The following COL4A4 variants were observed in gnomAD, a reference collection of about 807,000 sequenced individuals.
COL4A4 encodes the protein collagen alpha-4(IV) chain.
In COL4A4, 105 loss-of-function variants were observed where a neutral mutation model predicts 192.9. The ratio of observed to expected loss-of-function variants is 0.54; its 90% CI spans 0.46 to 0.64. The LOEUF is 0.64. COL4A4 is among the 30% of genes least tolerant of loss of function. The pLI, the probability that COL4A4 is intolerant of heterozygous loss-of-function variation, is 0.00. For missense variants in COL4A4, 1,967 were observed against 2,169.3 expected (o/e 0.91, Z 1.85); for synonymous variants, 762 against 769.9 (o/e 0.99, Z 0.17).
At chr2:227,033,321 T>A (rs1968825255) in intron 38 of COL4A4, 89 bp downstream of exon 38, 1 of 1,120,430 alleles carries the variant, frequency 8.9e-7, no homozygotes, top group Non-Finnish European at 1.3e-6. Context: ...CCAAATCTCA[T>A]GAAGTGCAGA....
At chr2:227,136,056 G>A (rs2062793680) in intron 4 of COL4A4, among the ~76,000 whole-genome samples, 1 of 152,172 alleles carries the variant, frequency 6.6e-6, no homozygotes, top group Non-Finnish European at 1.5e-5. Context: ...GAGAAGTGAA[G>A]GTAGGCAAAC....
chr2:227,121,004 T>C lies in COL4A4; in HGVS notation c.327+10A>G. The C allele has an allele frequency of 6.2e-7, 1 of 1,613,918 alleles. No homozygotes were observed. The highest frequency in any genetic ancestry group is 8.5e-7 in the Non-Finnish European group (1 of 1,179,930). ...CTTTCATGTGAATCTCCACATAAGA[T>C]GTGGCTTACCTTATCTCCTTTGTCC... On this transcript the variant is annotated intron_variant, in intron 5 of 47. Transcript: ENST00000396625.
intron 4 of COL4A4, 89 bp downstream of exon 4, chr2:227,140,072 T>G: frequency 8.6e-7 from 1 of 1,165,380 alleles, no homozygotes; most frequent in Non-Finnish European, 1.3e-6. Context: ...GACTAAAATT[T>G]GCCAAGAATC....
At chr2:227,111,599 G>A in intron 9 of COL4A4, 79 bp downstream of exon 9, 1 of 1,460,148 alleles carries the variant, frequency 6.8e-7, no homozygotes. Context: ...TTATGTAGCT[G>A]GCTTTGCTGG....
intron 16 of COL4A4, 40 bp from the exon 17 acceptor site, chr2:227,101,597 A>C: frequency 6.5e-7 from 1 of 1,530,712 alleles, no homozygotes; most frequent in Non-Finnish European, 9.0e-7. Context: ...AAAAAAAGTG[A>C]CTGGGTGACA....
intron 44 of COL4A4, among the ~76,000 whole-genome samples, chr2:227,019,400 T>G (rs1559423127): frequency 6.6e-6 from 1 of 152,214 alleles, no homozygotes; most frequent in African/African-American, 2.4e-5. Flanking sequence ...GGGACCAAAG[T>G]TGCTGCTAGT....
intron 2 of COL4A4, chr2:227,147,157 G>A (rs2063599033): frequency 1.7e-6 from 1 of 598,486 alleles, no homozygotes; most frequent in African/African-American, 1.8e-5. Flanking sequence ...CAAACCTAGT[G>A]AGTAAGCGAG....
At chr2:227,015,137 G>C (rs1336510506) in intron 44 of COL4A4, among the ~76,000 whole-genome samples, 1 of 152,016 alleles carries the variant, frequency 6.6e-6, no homozygotes, top group Non-Finnish European at 1.5e-5. Flanking sequence ...CTGACCTCAG[G>C]TTATCTGCCT....
chr2:227,059,618 G>A lies in COL4A4; in HGVS notation c.2170C>T (p.Arg724Cys), dbSNP rs754398956. 6.4e-5 allele frequency: 104 copies of A among 1,613,168 alleles called. No individual in the cohort carries two copies. The highest frequency in any genetic ancestry group is 8.3e-5 in the Admixed American group (5 of 60,002). Residue 724 changes from arginine (R) to cysteine (C), a missense_variant, in exon 28 of 48, where the codon CGT (arginine) becomes TGT (cysteine). Transcript: ENST00000396625. ...TAEIPGPPGF[R>C]GDMGDPGFGG... ...AAACCCGGATCTCCCATGTCACCAC[G>A]AAAACCTATTTAACAACAAAAAAAA... is the stretch of plus-strand genomic sequence containing the variant.
At chr2:227,038,776 G>A (rs1486584145) in intron 37 of COL4A4, among the ~76,000 whole-genome samples, 1 of 152,210 alleles carries the variant, frequency 6.6e-6, no homozygotes, top group South Asian at 2.1e-4. Flanking sequence ...CCTTGACTTA[G>A]TTAGAACATA....
At chr2:227,056,204 C>A in intron 29 of COL4A4, 89 bp from the exon 30 acceptor site, 1 of 1,107,850 alleles carries the variant, frequency 9.0e-7, no homozygotes, top group Non-Finnish European at 1.4e-6. Flanking sequence ...TTAAACAATG[C>A]GTTAAACAAC....
At chr2:227,103,070 C>T in intron 14 of COL4A4, 74 bp downstream of exon 14, 1 of 1,349,614 alleles carries the variant, frequency 7.4e-7, no homozygotes, top group Non-Finnish European at 1.0e-6. Flanking sequence ...TGATAAAGAC[C>T]ATGAGAAATA....
intron 46 of COL4A4, among the ~76,000 whole-genome samples, chr2:227,008,619 C>T (rs983578579): frequency 1.3e-5 from 2 of 152,172 alleles, no homozygotes; most frequent in Admixed American, 1.3e-4. Flanking sequence ...AAATACAGCA[C>T]AACAAGCCCT....
intron 20 of COL4A4, among the ~76,000 whole-genome samples, chr2:227,093,176 G>A (rs2060029049): frequency 6.6e-6 from 1 of 152,054 alleles, no homozygotes; most frequent in African/African-American, 2.4e-5. Context: ...ACTGCCCTTG[G>A]CCATTTCTGA....
chr2:227,033,261 A>T lies in COL4A4; in HGVS notation c.3577+149T>A. 7.5e-6 allele frequency: 5 copies of T among 668,724 alleles called. 1 individual carries two copies. Among genetic ancestry groups the T allele is most frequent in the Non-Finnish European group, 1.3e-5 (5 of 372,228 alleles). 41.4% of individuals were successfully genotyped at this position (668,724 alleles called of 1,614,324 possible). The stretch of plus-strand genomic sequence containing the variant: ...ATATGTCATTTTCAGCACTAAAAAT[A>T]GCTCCAATAGTGTGTCTCTAACCTA... On this transcript the variant is annotated intron_variant, in intron 38 of 47. Transcript: ENST00000396625.
At chr2:227,045,845 TATAC>T (rs1559487964) in intron 35 of COL4A4, among the ~76,000 whole-genome samples, 1,033 of 51,464 alleles carry the variant, frequency 0.02, 67 homozygotes, top group South Asian at 0.04. Context: ...CACATATATA[TATAC>T]ACATATATAT....
chr2:227,109,015 GT>G, intron 10 of COL4A4, 147 bp from the exon 11 acceptor site: 4 of 946,618 alleles, frequency 4.2e-6, no homozygotes, highest in Non-Finnish European at 7.0e-6. Context: ...TGGATGGGCT[GT>G]TTTCTGTGAA....
At chr2:227,042,304 A>C in intron 36 of COL4A4, 49 bp from the exon 37 acceptor site, 1 of 1,046,852 alleles carries the variant, frequency 9.6e-7, no homozygotes, top group South Asian at 1.3e-5. Flanking sequence ...TAAATGAATT[A>C]CATTCACTGC....
intron 35 of COL4A4, among the ~76,000 whole-genome samples, chr2:227,045,223 C>T (rs1157492279): frequency 6.6e-6 from 1 of 152,104 alleles, no homozygotes; most frequent in African/African-American, 2.4e-5. Context: ...CAGTTTCTTT[C>T]ATTTGATCCT....
Sources: gnomAD v4.1 joint callset for allele counts (sites outside exome capture counted in the v4.1 genomes callset) on GRCh38, gnomAD v4.1.1 for gene constraint, MANE v1.5 for transcripts, NCBI Gene and HGNC (gene_info 2026-07-23, HGNC 2026-07-21) for gene names.